Variants in FBXO45 observed in about 807,000 individuals in gnomAD.
The protein encoded by FBXO45 is F-box protein 45.
Under a neutral mutation model 25.5 loss-of-function variants are expected in FBXO45, and 3 were observed. The observed-to-expected ratio is 0.12, with a 90% CI of 0.05 to 0.30. FBXO45 has a LOEUF of 0.30. Ranked by LOEUF, FBXO45 falls within the 10% of genes least tolerant of loss-of-function variation. The probability of loss-of-function intolerance (pLI) is 1.00; values close to 1 mark genes in which losing one functional copy is unlikely to be tolerated. For missense variants in FBXO45, 219 were observed against 365.0 expected (o/e 0.60, Z 3.26); for synonymous variants, 155 against 149.8 (o/e 1.03, Z -0.25).
At chr3:196,577,208 C>G (rs187844029) in intron 1 of FBXO45, among the ~76,000 whole-genome samples, 3 of 152,086 alleles carry the variant, frequency 2.0e-5, no homozygotes, top group Non-Finnish European at 2.9e-5. Flanking sequence ...TTTAAGAAGT[C>G]TGTTTGAGGA....
Position 196,569,179 on chromosome 3 carries a change from C to T in FBXO45, c.195C>T (p.His65=), listed in dbSNP as rs1735725639. ...GGAGCTGCGCCCTGGTGTGCAAGCACTGGTACCGCTGCCTGCACGGCGATG... is the reference window on the plus strand; with the variant it reads ...GGAGCTGCGCCCTGGTGTGCAAGCATTGGTACCGCTGCCTGCACGGCGATG... ...ELRSCALVCK[H]WYRCLHGDEN... Residue 65 remains histidine (H), a synonymous_variant, in exon 1 of 3, where the codon CAC becomes CAT. Coordinates refer to ENST00000311630, the MANE Select transcript of FBXO45 (RefSeq NM_001105573.2). This position sits in a 1 kb window ranked among gnomAD's most constrained non-coding sequence, Gnocchi z 4.1. 5 of 1,558,858 alleles carry T rather than the reference C, an allele frequency of 3.2e-6. No individual in the cohort carries two copies. Among genetic ancestry groups the T allele is most frequent in the Non-Finnish European group, 8.7e-7 (1 of 1,151,890 alleles).
intron 1 of FBXO45, among the ~76,000 whole-genome samples, chr3:196,574,830 T>C (rs2108726737): frequency 6.6e-6 from 1 of 152,218 alleles, no homozygotes. Context: ...AGAGAATGTG[T>C]GGGAGAAGAA....
chr3:196,580,200 C>CTTTT (rs35628375), intron 2 of FBXO45, among the ~76,000 whole-genome samples: 2 of 138,886 alleles, frequency 1.4e-5, no homozygotes, highest in East Asian at 2.1e-4. Context: ...GAAGGGGTTT[C>CTTTT]TTTTTTTTTT....
intron 1 of FBXO45, among the ~76,000 whole-genome samples, chr3:196,573,382 T>C (rs1346318111): frequency 6.6e-6 from 1 of 152,234 alleles, no homozygotes; most frequent in Non-Finnish European, 1.5e-5. Context: ...GCCTTCAGTC[T>C]ATAGTTTGGG....
intron 1 of FBXO45, among the ~76,000 whole-genome samples, chr3:196,576,790 G>GTAA (rs1735921166): frequency 6.6e-6 from 1 of 152,086 alleles, no homozygotes; most frequent in Non-Finnish European, 1.5e-5. Flanking sequence ...TTTTTATTGT[G>GTAA]TAAGTCATAT....
At chr3:196,583,661 G>T (rs536614652) in intron 2 of FBXO45, among the ~76,000 whole-genome samples, 1 of 152,210 alleles carries the variant, frequency 6.6e-6, no homozygotes, top group East Asian at 1.9e-4. Flanking sequence ...ATCAATCTAG[G>T]TAGTGTTCAG....
Position 196,588,954 on chromosome 3 carries a change from ACT to A in FBXO45, c.*4639_*4640del, listed in dbSNP as rs745530816. On this transcript the variant is annotated 3_prime_UTR_variant, in exon 3 of 3. Transcript: ENST00000311630. The surrounding 1 kb of genome is among the most constrained non-coding windows in gnomAD (Gnocchi z 4.2). ...CCCCTCTACTCAAAAATACTGGTAA[ACT>A]CTGATTTTTATATTTGTTTAGAATT... The A allele has an allele frequency of 3.9e-5, 6 of 151,922 alleles. No individual in the cohort carries two copies. The highest frequency in any genetic ancestry group is 5.9e-5 in the Non-Finnish European group (4 of 67,980). The allele number at this position is 151,922 out of a possible 1,614,324, so 9.4% of individuals were successfully genotyped here.
intron 2 of FBXO45, among the ~76,000 whole-genome samples, chr3:196,579,551 T>G (rs1735973892): frequency 6.6e-6 from 1 of 152,246 alleles, no homozygotes; most frequent in Non-Finnish European, 1.5e-5. Context: ...TTGAGATTTG[T>G]TTTATTCTAA....
In FBXO45 at chr3:196,586,258, G is replaced by A. The variant is rs927486392; in HGVS notation, c.*1940G>A. The A allele has an allele frequency of 6.6e-6, 1 of 152,150 alleles. No homozygotes were observed. The highest frequency in any genetic ancestry group is 1.5e-5 in the Non-Finnish European group (1 of 68,026). 9.4% of individuals were successfully genotyped at this position (152,150 alleles called of 1,614,324 possible). On this transcript the variant is annotated 3_prime_UTR_variant, in exon 3 of 3. Transcript: ENST00000311630. ...AGTACTTGTTTCTTTTTCAGGTTGTGATGTGGCCATTCCGAATTTTGTTGA... is the reference window on the plus strand; with the variant it reads ...AGTACTTGTTTCTTTTTCAGGTTGTAATGTGGCCATTCCGAATTTTGTTGA...
At chr3:196,576,255 G>C (rs1390715644) in intron 1 of FBXO45, among the ~76,000 whole-genome samples, 1 of 152,186 alleles carries the variant, frequency 6.6e-6, no homozygotes, top group Non-Finnish European at 1.5e-5. Context: ...AGGACTAGGT[G>C]ACCTTTAAGG....
In FBXO45 at chr3:196,569,563, C is replaced by G. The variant is rs1735748089; in HGVS notation, c.318+261C>G. On this transcript the variant is annotated intron_variant, in intron 1 of 2. Transcript: ENST00000311630. The surrounding 1 kb of genome is among the most constrained non-coding windows in gnomAD (Gnocchi z 4.1). Reference sequence around the variant, plus strand: ...TTTGCCTCACTCATTCAACTTTTGACAGTTTTCCCCGTTAAAGACAGACCA... The same window carrying G: ...TTTGCCTCACTCATTCAACTTTTGAGAGTTTTCCCCGTTAAAGACAGACCA... 6.6e-6 allele frequency among the ~76,000 whole-genome samples: 1 copy of G among 152,194 alleles called. No individual in the cohort carries two copies.
chr3:196,570,481 C>A (rs1030309931), intron 1 of FBXO45, among the ~76,000 whole-genome samples: 9 of 152,116 alleles, frequency 5.9e-5, no homozygotes, highest in African/African-American at 9.7e-5. Context: ...AGGTGATCCG[C>A]CCTCCTCGGC....
In FBXO45 at chr3:196,587,186, T is replaced by C. The variant is rs536171520; in HGVS notation, c.*2868T>C. 1.3e-5 allele frequency: 2 copies of C among 152,224 alleles called. No individual in the cohort carries two copies. The highest frequency in any genetic ancestry group is 4.8e-5 in the African/African-American group (2 of 41,462). The allele number at this position is 152,224 out of a possible 1,614,324, so 9.4% of individuals were successfully genotyped here. A position where few individuals can be genotyped will look rare whatever the true frequency, so the allele number is the denominator to read the frequency against. On this transcript the variant is annotated 3_prime_UTR_variant, in exon 3 of 3. Coordinates refer to ENST00000311630, the MANE Select transcript of FBXO45 (RefSeq NM_001105573.2). Reference sequence around the variant, plus strand: ...GGTCTTCTGTCATACTGAGACAGGCTGTTTTAATTACCTGGTTTTACATAG... The same window carrying C: ...GGTCTTCTGTCATACTGAGACAGGCCGTTTTAATTACCTGGTTTTACATAG...
rs1417630756 is a variant in FBXO45 at position 196,587,486 on chromosome 3, TTG to T, written c.*3169_*3170del. ...GGCATTTTCTGCCTTTTAGAATTAT[TTG>T]ACTGGAGAAAGAGTTTCAAAAATAG... On this transcript the variant is annotated 3_prime_UTR_variant, in exon 3 of 3. Transcript: ENST00000311630. The T allele has an allele frequency of 2.0e-5, 3 of 152,368 alleles. No individual in the cohort carries two copies. The highest frequency in any genetic ancestry group is 4.4e-5 in the Non-Finnish European group (3 of 68,040). The allele number at this position is 152,368 out of a possible 1,614,324, so 9.4% of individuals were successfully genotyped here.
chr3:196,570,712 C>CTTTTTTT (rs71161937), intron 1 of FBXO45, among the ~76,000 whole-genome samples: 43 of 99,836 alleles, frequency 4.3e-4, no homozygotes, highest in East Asian at 1.7e-3. Flanking sequence ...TTTCTTTTTT[C>CTTTTTTT]TTTTTTTTTT....
chr3:196,581,362 C>T (rs1210040281), intron 2 of FBXO45, among the ~76,000 whole-genome samples: 1 of 148,838 alleles, frequency 6.7e-6, no homozygotes, highest in Non-Finnish European at 1.5e-5. Context: ...TCCTGAGTAG[C>T]TGGGACTACA....
At chr3:196,577,965 A>ATT (rs11306913) in intron 2 of FBXO45, among the ~76,000 whole-genome samples, 156 bp downstream of exon 2, 2 of 135,732 alleles carry the variant, frequency 1.5e-5, no homozygotes, top group Non-Finnish European at 3.1e-5. Context: ...CTTCAAGGAG[A>ATT]TTTTTTTTTT....
intron 2 of FBXO45, among the ~76,000 whole-genome samples, chr3:196,579,612 T>C (rs1213767687): frequency 6.6e-6 from 1 of 152,240 alleles, no homozygotes; most frequent in African/African-American, 2.4e-5. Flanking sequence ...AAAATGTATA[T>C]TCTTTTGCTG....
At position 196,568,705 on chromosome 3, in the gene FBXO45, G is replaced by C. The variant is rs1048850255; in HGVS notation, c.-280G>C. On this transcript the variant is annotated 5_prime_UTR_variant, in exon 1 of 3. Transcript: ENST00000311630. The stretch of plus-strand genomic sequence containing the variant: ...ACCCGCATGGCGGAGCCGCTGGCGC[G>C]CCGCGGAGAGGCCGGGCGAGTCGGG... 7.9e-5 allele frequency: 12 copies of C among 152,642 alleles called. No individual in the cohort carries two copies. Among genetic ancestry groups the C allele is most frequent in the African/African-American group, 2.9e-4 (12 of 41,468 alleles). 9.5% of individuals were successfully genotyped at this position (152,642 alleles called of 1,614,324 possible). A position where few individuals can be genotyped will look rare whatever the true frequency, so the allele number is the denominator to read the frequency against.
Sources: gnomAD v4.1 joint callset for allele counts (sites outside exome capture counted in the v4.1 genomes callset) on GRCh38, gnomAD v4.1.1 for gene constraint, Gnocchi (gnomAD v3.1) non-coding constraint, MANE v1.5 for transcripts, NCBI Gene and HGNC (gene_info 2026-07-23, HGNC 2026-07-21) for gene names.